The following RALGPS1 variants were observed in gnomAD, a reference collection of about 807,000 sequenced individuals.
RALGPS1 encodes Ral GEF with PH domain and SH3 binding motif 1.
RALGPS1 carries 19 observed loss-of-function variants against 78.8 expected under a neutral mutation model. That is an observed-to-expected ratio of 0.24 (90% CI 0.17 to 0.35). The LOEUF is 0.35. Ranked by LOEUF, RALGPS1 falls within the 10% of genes least tolerant of loss-of-function variation. RALGPS1 has a pLI of 1.00. For missense variants in RALGPS1, 454 were observed against 688.3 expected (o/e 0.66, Z 3.81); for synonymous variants, 228 against 256.3 (o/e 0.89, Z 1.06).
intron 10 of RALGPS1, among the ~76,000 whole-genome samples, chr9:127,170,164 A>G (rs2059496445): frequency 6.6e-6 from 1 of 152,204 alleles, no homozygotes; most frequent in African/African-American, 2.4e-5. Flanking sequence ...CTGTAGCCAC[A>G]GAGACAACCC....
chr9:127,186,853 G>A (rs1246617280), intron 11 of RALGPS1, among the ~76,000 whole-genome samples: 1 of 152,220 alleles, frequency 6.6e-6, no homozygotes, highest in Non-Finnish European at 1.5e-5. Context: ...GAAAGAAGAG[G>A]TGGCAGATCC....
rs776416795 is a variant in RALGPS1, at chr9:127,069,277, G to C, written c.531G>C (p.Leu177=). ...DKTTFEKLDY[L]MSKEDNYKRT... is the part of the protein sequence containing the mutation. ...CTACCTTTGAGAAATTGGACTACCTGATGTCGAAAGAAGATAATTACAAGC... is the reference window on the plus strand; with the variant it reads ...CTACCTTTGAGAAATTGGACTACCTCATGTCGAAAGAAGATAATTACAAGC... The change falls in exon 8 of 19, where the codon CTG becomes CTC. Residue 177 remains leucine (L), a synonymous_variant. Transcript: ENST00000259351. 1 of 1,612,962 alleles carries C rather than the reference G, an allele frequency of 6.2e-7. No homozygotes were observed. Among genetic ancestry groups the C allele is most frequent in the South Asian group, 1.1e-5 (1 of 91,058 alleles).
At chr9:127,053,088 C>G in intron 7 of RALGPS1, 149 bp downstream of exon 7, 2 of 632,662 alleles carry the variant, frequency 3.2e-6, no homozygotes, top group Non-Finnish European at 5.6e-6. Context: ...TAGGCATCCT[C>G]ACTCCGTCAG....
At chr9:127,023,861 C>T (rs943138214) in intron 4 of RALGPS1, among the ~76,000 whole-genome samples, 1 of 152,000 alleles carries the variant, frequency 6.6e-6, no homozygotes, top group Non-Finnish European at 1.5e-5. Context: ...CATGGCAAAA[C>T]CCTGTCTCTA....
At chr9:127,114,037 A>C (rs2055139864) in intron 8 of RALGPS1, among the ~76,000 whole-genome samples, 1 of 152,228 alleles carries the variant, frequency 6.6e-6, no homozygotes, top group Non-Finnish European at 1.5e-5. Context: ...AGTTCCAGCA[A>C]TTAAAAGAAT....
intron 4 of RALGPS1, among the ~76,000 whole-genome samples, chr9:127,030,359 GA>G (rs1375284867): frequency 2.0e-5 from 3 of 152,130 alleles, no homozygotes; most frequent in Non-Finnish European, 2.9e-5. Flanking sequence ...AGAGCAGCCG[GA>G]AAATAAGACT....
intron 11 of RALGPS1, among the ~76,000 whole-genome samples, chr9:127,189,627 G>A (rs1019728264): frequency 2.6e-5 from 4 of 152,238 alleles, no homozygotes; most frequent in Non-Finnish European, 5.9e-5. Context: ...AATGATACAA[G>A]TTGGGTGGTT....
chr9:127,158,944 G>A (rs369300602), intron 8 of RALGPS1, among the ~76,000 whole-genome samples: 27 of 151,744 alleles, frequency 1.8e-4, no homozygotes, highest in African/African-American at 6.5e-4. Context: ...CAGATGCCCC[G>A]AAGCCACACG....
chr9:127,130,909 G>A (rs982616874), intron 8 of RALGPS1, among the ~76,000 whole-genome samples: 11 of 152,346 alleles, frequency 7.2e-5, no homozygotes, highest in African/African-American at 2.4e-4. Context: ...TGGGGACCAT[G>A]TCATTTTAGA....
intron 8 of RALGPS1, 87 bp from the exon 9 acceptor site, chr9:127,165,978 ATATT>A (rs561674556): frequency 2.1e-4 from 301 of 1,448,078 alleles, no homozygotes; most frequent in Admixed American, 1.5e-3. Context: ...GTCACCCTTT[ATATT>A]TTTTAGCAGA....
chr9:127,191,114 T>G (rs367567908), intron 11 of RALGPS1, among the ~76,000 whole-genome samples: 13 of 152,344 alleles, frequency 8.5e-5, no homozygotes, highest in Middle Eastern at 3.4e-3. Context: ...TGAAGTTCTC[T>G]GTGTATCTGA....
chr9:126,949,994 G>A (rs538281604), intron 1 of RALGPS1, among the ~76,000 whole-genome samples: 22 of 152,248 alleles, frequency 1.4e-4, no homozygotes, highest in African/African-American at 5.1e-4. Context: ...TTTTGTATAA[G>A]GTGTAAGGAA....
intron 4 of RALGPS1, among the ~76,000 whole-genome samples, chr9:127,009,238 T>C (rs2044134576): frequency 6.6e-6 from 1 of 152,228 alleles, no homozygotes; most frequent in Non-Finnish European, 1.5e-5. Flanking sequence ...TGCCTCATCA[T>C]TGTGGGCCCT....
At position 127,148,821 on chromosome 9, in the gene RALGPS1, A is replaced by T. The variant is rs181538533; in HGVS notation, c.611-17248A>T. ...AATAAGTTGTTCTCAAGGCGGTTGC[A>T]TGCTTTTTCAGCCCTCGCTGTGGAT... On this transcript the variant is annotated intron_variant, in intron 8 of 18. Transcript: ENST00000259351. 1.1e-4 allele frequency among the ~76,000 whole-genome samples: 16 copies of T among 152,340 alleles called. No individual in the cohort carries two copies. In the East Asian group the frequency reaches 3.1e-3, roughly 29 times the overall value.
At chr9:127,002,500 G>T (rs1322947352) in intron 4 of RALGPS1, among the ~76,000 whole-genome samples, 2 of 146,616 alleles carry the variant, frequency 1.4e-5, no homozygotes, top group Admixed American at 6.8e-5. Flanking sequence ...CATTGTGCAG[G>T]TTAGTTACAT....
At chr9:126,986,474 C>A (rs2041812032) in intron 4 of RALGPS1, among the ~76,000 whole-genome samples, 1 of 152,132 alleles carries the variant, frequency 6.6e-6, no homozygotes, top group Non-Finnish European at 1.5e-5. Context: ...GGAGGTCTGT[C>A]TGAAGGTCCT....
chr9:127,045,758 C>CACAT (rs142912407), intron 5 of RALGPS1, among the ~76,000 whole-genome samples: 1 of 33,808 alleles, frequency 3.0e-5, no homozygotes, highest in Admixed American at 2.6e-4. Context: ...CACACACACA[C>CACAT]ACATACACAC....
At chr9:127,171,498 G>A (rs1159553344) in intron 10 of RALGPS1, among the ~76,000 whole-genome samples, 4 of 152,162 alleles carry the variant, frequency 2.6e-5, no homozygotes, top group African/African-American at 4.8e-5. Context: ...GCCTGTTCAC[G>A]CCTGTAAGCC....
intron 5 of RALGPS1, among the ~76,000 whole-genome samples, chr9:127,045,191 A>G (rs921730441): frequency 6.6e-6 from 1 of 152,192 alleles, no homozygotes; most frequent in Non-Finnish European, 1.5e-5. Context: ...AATATATGCA[A>G]ATTTTTAAAA....
Sources: allele counts gnomAD v4.1 joint callset (sites outside exome capture counted in the v4.1 genomes callset), GRCh38; gene constraint gnomAD v4.1.1; transcripts MANE v1.5; gene names NCBI Gene and HGNC (gene_info 2026-07-23, HGNC 2026-07-21).